Variants in RYR2 observed in about 807,000 individuals in gnomAD.
RYR2 encodes ryanodine receptor 2.
RYR2 carries 227 observed loss-of-function variants against 601.1 expected under a neutral mutation model. The ratio of observed to expected loss-of-function variants is 0.38; its 90% confidence interval spans 0.34 to 0.42. The LOEUF is 0.42. RYR2 is among the 10% of genes least tolerant of loss of function. The pLI is 1.00. For missense variants in RYR2, 4,646 were observed against 6,156.5 expected, an observed-to-expected ratio of 0.75 and a Z score of 8.21; for synonymous variants, 2,223 against 2,175.1, an observed-to-expected ratio of 1.02 and a Z score of -0.61.
chr1:237,691,049 G>A (rs1044707079), intron 63 of RYR2, among the ~76,000 whole-genome samples: 3 of 152,116 alleles, frequency 2.0e-5, no homozygotes, highest in Non-Finnish European at 2.9e-5. Context: ...CATTTTGGCA[G>A]GAAATACATT....
At chr1:237,204,240 C>T (rs1437420179) in intron 1 of RYR2, among the ~76,000 whole-genome samples, 3 of 151,922 alleles carry the variant, frequency 2.0e-5, no homozygotes, top group Non-Finnish European at 4.4e-5. Flanking sequence ...AACACCTAAC[C>T]TCAGGTGATC....
At chr1:237,608,503 G>T (rs1677407793) in intron 35 of RYR2, among the ~76,000 whole-genome samples, 1 of 152,130 alleles carries the variant, frequency 6.6e-6, no homozygotes, top group African/African-American at 2.4e-5. Flanking sequence ...TTTGAAACCA[G>T]CTTGGGCAAC....
chr1:237,384,996 T>C (rs913171697), intron 8 of RYR2, among the ~76,000 whole-genome samples: 1 of 152,124 alleles, frequency 6.6e-6, no homozygotes, highest in Non-Finnish European at 1.5e-5. Flanking sequence ...TTCACACCAT[T>C]TTCCTGCCTC....
At chr1:237,783,630 A>T (rs753790318) in intron 89 of RYR2, 45 bp from the exon 90 acceptor site, 5 of 1,226,406 alleles carry the variant, frequency 4.1e-6, no homozygotes, top group Non-Finnish European at 1.2e-6. Flanking sequence ...ATGATCACTG[A>T]TTTTGTTAGT....
At chr1:237,617,878 C>G (rs1304005164) in intron 38 of RYR2, among the ~76,000 whole-genome samples, 2 of 152,138 alleles carry the variant, frequency 1.3e-5, no homozygotes, top group Admixed American at 1.3e-4. Context: ...TCTCTTCCAC[C>G]TTGCTTGCCG....
At chr1:237,742,037 A>G (rs1283813955) in intron 79 of RYR2, among the ~76,000 whole-genome samples, 2 of 152,326 alleles carry the variant, frequency 1.3e-5, no homozygotes, top group East Asian at 1.9e-4. Context: ...CGGGTATAGT[A>G]TGATGTGGAC....
chr1:237,676,346 C>T (rs972721253), intron 60 of RYR2, among the ~76,000 whole-genome samples: 1 of 152,132 alleles, frequency 6.6e-6, no homozygotes, highest in African/African-American at 2.4e-5. Flanking sequence ...CTACCTACTA[C>T]AGTTTTCTTG....
intron 2 of RYR2, among the ~76,000 whole-genome samples, chr1:237,311,058 G>A (rs1694507568): frequency 1.3e-5 from 2 of 152,120 alleles, no homozygotes; most frequent in South Asian, 4.1e-4. Flanking sequence ...GGCAGAGTAG[G>A]CACTAATTGA....
intron 97 of RYR2, among the ~76,000 whole-genome samples, chr1:237,801,069 T>TTCA (rs1226444900): frequency 6.6e-6 from 1 of 152,220 alleles, no homozygotes; most frequent in African/African-American, 2.4e-5. Flanking sequence ...TAAAAGCTCT[T>TTCA]TCATTTATAA....
chr1:237,107,345 C>A (rs1558245036), intron 1 of RYR2, among the ~76,000 whole-genome samples: 2 of 150,658 alleles, frequency 1.3e-5, no homozygotes, highest in South Asian at 4.3e-4. Context: ...CACGGTGAAA[C>A]CCCGTCTCTA....
chr1:237,059,787 C>T lies in RYR2; in HGVS notation c.48+17218C>T, dbSNP rs893967340. Among the ~76,000 whole-genome samples the T allele has an allele frequency of 3.9e-5, 6 of 152,102 alleles. No individual in the cohort carries two copies. In the East Asian group the frequency reaches 7.7e-4, roughly 20 times the overall value. ...AATGCCATAAATATTGGATTGACCACGGTTGATAATTTTTACTGCATGATA... is the reference window on the plus strand; with the variant it reads ...AATGCCATAAATATTGGATTGACCATGGTTGATAATTTTTACTGCATGATA... On this transcript the variant is annotated intron_variant, in intron 1 of 104. Transcript: ENST00000366574.
chr1:237,250,181 C>T (rs1269562299), intron 1 of RYR2, among the ~76,000 whole-genome samples: 3 of 152,326 alleles, frequency 2.0e-5, no homozygotes, highest in African/African-American at 7.2e-5. Flanking sequence ...GGGCACACTG[C>T]TCCCAGCGTG....
At chr1:237,296,149 C>G (rs1292807305) in intron 2 of RYR2, among the ~76,000 whole-genome samples, 1 of 152,058 alleles carries the variant, frequency 6.6e-6, no homozygotes, top group African/African-American at 2.4e-5. Flanking sequence ...TGAGTGTGGA[C>G]TGTTCAAAGA....
chr1:237,549,151 T>C (rs1670121695), intron 26 of RYR2, among the ~76,000 whole-genome samples: 1 of 152,230 alleles, frequency 6.6e-6, no homozygotes, highest in East Asian at 1.9e-4. Context: ...GTTTCACCAC[T>C]GAGTTACTGT....
At chr1:237,341,095 C>A (rs1411739793) in intron 3 of RYR2, among the ~76,000 whole-genome samples, 1 of 152,192 alleles carries the variant, frequency 6.6e-6, no homozygotes, top group Non-Finnish European at 1.5e-5. Context: ...AATTTAATCA[C>A]AGTGGCGTAG....
chr1:237,069,910 CATGATGTGACTA>C (rs1440990669), intron 1 of RYR2, among the ~76,000 whole-genome samples: 2 of 152,122 alleles, frequency 1.3e-5, no homozygotes, highest in Non-Finnish European at 2.9e-5. Flanking sequence ...TAGAGTATGG[CATGATGTGACTA>C]AATATTTTCC....
intron 25 of RYR2, among the ~76,000 whole-genome samples, chr1:237,534,781 A>G (rs1239694793): frequency 1.3e-5 from 2 of 151,986 alleles, no homozygotes; most frequent in Non-Finnish European, 2.9e-5. Flanking sequence ...TTATAAATGG[A>G]TGATTCAAAA....
chr1:237,257,191 G>A (rs1346203729), intron 1 of RYR2, among the ~76,000 whole-genome samples: 1 of 152,130 alleles, frequency 6.6e-6, no homozygotes, highest in Non-Finnish European at 1.5e-5. Flanking sequence ...CATAGATTTT[G>A]GAATTGTGTG....
At chr1:237,103,362 C>A (rs1004215799) in intron 1 of RYR2, among the ~76,000 whole-genome samples, 11 of 152,226 alleles carry the variant, frequency 7.2e-5, no homozygotes, top group Non-Finnish European at 1.6e-4. Flanking sequence ...CTGCCCAGGG[C>A]ATGCAACTTG....
Sources: allele counts gnomAD v4.1 joint callset (sites outside exome capture counted in the v4.1 genomes callset), GRCh38; gene constraint gnomAD v4.1.1; transcripts MANE v1.5; gene names NCBI Gene and HGNC (gene_info 2026-07-23, HGNC 2026-07-21).